PHACTR4: variants seen among roughly 807,000 people sequenced by gnomAD.
PHACTR4 encodes the protein protein phosphatase 1, regulatory subunit 124.
A neutral mutation model predicts 72.7 loss-of-function variants in PHACTR4; 51 were observed. The ratio of observed to expected loss-of-function variants is 0.70; its 90% CI spans 0.56 to 0.89. PHACTR4 has a LOEUF of 0.89. PHACTR4 is among the 40% of genes least tolerant of loss of function. The pLI is 0.00. For missense variants in PHACTR4, 731 were observed against 861.8 expected, an observed-to-expected ratio of 0.85 and a Z score of 1.90; for synonymous variants, 255 against 302.5, an observed-to-expected ratio of 0.84 and a Z score of 1.63.
intron 9 of PHACTR4, among the ~76,000 whole-genome samples, chr1:28,483,798 C>CAAA (rs991081654): frequency 6.9e-4 from 49 of 70,852 alleles, no homozygotes; most frequent in African/African-American, 1.7e-3. Flanking sequence ...GACTCCGTCT[C>CAAA]AAAAAAAAAA....
intron 3 of PHACTR4, 123 bp downstream of exon 3, chr1:28,459,381 A>AT: frequency 2.0e-6 from 1 of 506,812 alleles, no homozygotes; most frequent in South Asian, 3.1e-5. Flanking sequence ...TTAATGTTTT[A>AT]TTCTTTCCTT....
At chr1:28,457,271 A>T in intron 2 of PHACTR4, 1 of 443,188 alleles carries the variant, frequency 2.3e-6, no homozygotes, top group African/African-American at 2.0e-5. Flanking sequence ...TGTTGGTTGT[A>T]TATTTTCTCT....
At chr1:28,404,152 G>A (rs1029568085) in intron 1 of PHACTR4, among the ~76,000 whole-genome samples, 11 of 151,856 alleles carry the variant, frequency 7.2e-5, no homozygotes, top group Admixed American at 2.0e-4. Flanking sequence ...GTTTCACCAT[G>A]TTGGCTAGGC....
intron 2 of PHACTR4, among the ~76,000 whole-genome samples, chr1:28,446,305 AT>A (rs1657463030): frequency 6.6e-6 from 1 of 152,188 alleles, no homozygotes; most frequent in Non-Finnish European, 1.5e-5. Context: ...GATTTTCTAA[AT>A]AGGCCATTAA....
In PHACTR4 at chr1:28,404,343, C is replaced by T. The variant is rs549216506; in HGVS notation, c.-38-3067C>T. Among the ~76,000 whole-genome samples, 599 of 140,282 alleles carry T rather than the reference C, an allele frequency of 4.3e-3. 6 individuals are homozygous for T. Among genetic ancestry groups the T allele is most frequent in the African/African-American group, 0.015 (581 of 37,592 alleles). 92.0% of individuals were successfully genotyped at this position (140,282 alleles called of 152,430 possible). ...TGTAACCCAGACTGGAGTGCAGTGG[C>T]GCGATCTCAGCTCACTGCAACCTCC... On this transcript the variant is annotated intron_variant, in intron 1 of 13. Transcript: ENST00000373839.
intron 2 of PHACTR4, among the ~76,000 whole-genome samples, chr1:28,448,578 C>A (rs1290209872): frequency 1.4e-5 from 2 of 139,712 alleles, no homozygotes; most frequent in Non-Finnish European, 1.5e-5. Flanking sequence ...CAGTGAAATC[C>A]CATCTCTACT....
intron 2 of PHACTR4, among the ~76,000 whole-genome samples, chr1:28,440,066 C>T (rs975062869): frequency 6.6e-6 from 1 of 152,002 alleles, no homozygotes; most frequent in African/African-American, 2.4e-5. Flanking sequence ...CGTTGGGAGG[C>T]CGAGGCAGGC....
intron 2 of PHACTR4, chr1:28,457,234 C>A (rs1204167176): frequency 3.7e-5 from 15 of 400,166 alleles, no homozygotes; most frequent in Non-Finnish European, 7.6e-5. Context: ...TTGAATTTGG[C>A]AGTTGTTTCT....
chr1:28,424,734 C>T (rs935091061), intron 2 of PHACTR4, among the ~76,000 whole-genome samples: 4 of 151,682 alleles, frequency 2.6e-5, no homozygotes, highest in African/African-American at 7.3e-5. Context: ...GTGATCTGCC[C>T]GCCTCAGCCT....
At chr1:28,476,393 TC>T in intron 8 of PHACTR4, 102 bp downstream of exon 8, 1 of 1,177,672 alleles carries the variant, frequency 8.5e-7, no homozygotes, top group Non-Finnish European at 1.2e-6. Flanking sequence ...AGGTACCTTC[TC>T]CCATTAAGTC....
intron 2 of PHACTR4, among the ~76,000 whole-genome samples, chr1:28,451,561 T>G (rs1000223925): frequency 6.6e-6 from 1 of 152,006 alleles, no homozygotes; most frequent in Non-Finnish European, 1.5e-5. Flanking sequence ...TGCGCATCAC[T>G]GTGCCCTGCC....
chr1:28,396,662 C>CA (rs1394170738), intron 1 of PHACTR4, among the ~76,000 whole-genome samples: 2 of 141,218 alleles, frequency 1.4e-5, no homozygotes, highest in African/African-American at 5.2e-5. Flanking sequence ...TAGTGATGTG[C>CA]TTTTTTTTTT....
chr1:28,440,670 G>A (rs1440482438), intron 2 of PHACTR4, among the ~76,000 whole-genome samples: 1 of 152,014 alleles, frequency 6.6e-6, no homozygotes, highest in African/African-American at 2.4e-5. Flanking sequence ...TAGATAATAA[G>A]TAGTTGACTA....
At chr1:28,425,056 G>A (rs756696149) in intron 2 of PHACTR4, among the ~76,000 whole-genome samples, 8 of 152,100 alleles carry the variant, frequency 5.3e-5, no homozygotes, top group Non-Finnish European at 1.0e-4. Context: ...GCCTCCCAAA[G>A]TGCTGGGATT....
intron 4 of PHACTR4, among the ~76,000 whole-genome samples, chr1:28,460,970 C>T (rs530795317): frequency 6.6e-6 from 1 of 152,146 alleles, no homozygotes; most frequent in Admixed American, 6.6e-5. Flanking sequence ...CACATTTGTC[C>T]CCATGCCCAT....
At chr1:28,437,282 G>A (rs1288961198) in intron 2 of PHACTR4, among the ~76,000 whole-genome samples, 2 of 152,064 alleles carry the variant, frequency 1.3e-5, no homozygotes, top group African/African-American at 4.8e-5. Flanking sequence ...AGGCTGGAGT[G>A]CAGTGGTGTA....
chr1:28,453,758 A>T (rs1273013674), intron 2 of PHACTR4: 5 of 1,056,002 alleles, frequency 4.7e-6, no homozygotes, highest in South Asian at 2.5e-5. Context: ...TGAAGAAATT[A>T]AAAAAAGAGG....
At chr1:28,370,213 C>G (rs1651125670) in intron 1 of PHACTR4, among the ~76,000 whole-genome samples, 1 of 152,168 alleles carries the variant, frequency 6.6e-6, no homozygotes, top group Admixed American at 6.6e-5. Context: ...GTTACAGTAA[C>G]CGGATCGGGT....
At chr1:28,436,321 CA>C (rs1656633493) in intron 2 of PHACTR4, among the ~76,000 whole-genome samples, 1 of 151,726 alleles carries the variant, frequency 6.6e-6, no homozygotes, top group Admixed American at 6.6e-5. Context: ...AGGCTGGACT[CA>C]AACTCTTGGT....
Sources: allele counts gnomAD v4.1 joint callset (sites outside exome capture counted in the v4.1 genomes callset), GRCh38; gene constraint gnomAD v4.1.1; transcripts MANE v1.5; gene names NCBI Gene and HGNC (gene_info 2026-07-23, HGNC 2026-07-21).